Variants in FAAH2 observed in about 807,000 individuals in gnomAD.
FAAH2 encodes the protein fatty-acid amide hydrolase 2.
A neutral mutation model predicts 36.9 loss-of-function variants in FAAH2; 60 were observed. That is an observed-to-expected ratio of 1.63 (90% confidence interval 1.32 to 2.02). FAAH2 has a LOEUF of 2.02. Among genes scored for constraint, FAAH2 ranks in the 30% most tolerant of loss-of-function variants. The probability of loss-of-function intolerance (pLI) is 0.00; values close to 1 mark genes in which losing one functional copy is unlikely to be tolerated. For missense variants in FAAH2, 689 were observed against 397.5 expected (o/e 1.73, Z -6.23); for synonymous variants, 214 against 143.8 (o/e 1.49, Z -3.49).
chrX:57,142,210 G>C, the FAAH2 span, among the ~76,000 whole-genome samples: 1 of 111,443 alleles, frequency 9.0e-6, no homozygotes. Context: ...TTTATTTGAA[G>C]TTTTTATGCT....
At chrX:57,243,433 C>T in the FAAH2 span, among the ~76,000 whole-genome samples, 4 of 112,252 alleles carry the variant, frequency 3.6e-5, no homozygotes, top group Admixed American at 1.9e-4. Flanking sequence ...GGGTCCATAA[C>T]CCCCATGCCT....
chrX:57,398,539 C>T (rs1348631293), intron 7 of FAAH2, among the ~76,000 whole-genome samples: 3 of 110,266 alleles, frequency 2.7e-5, no homozygotes, highest in Non-Finnish European at 5.7e-5. Context: ...AGATGTTGTT[C>T]ATTTAACTTT....
At chrX:57,228,233 C>A in the FAAH2 span, among the ~76,000 whole-genome samples, 11 of 111,703 alleles carry the variant, frequency 9.8e-5, no homozygotes, top group African/African-American at 2.9e-4. Context: ...TTACCCCCTG[C>A]TCCTCTGGCC....
intron 10 of FAAH2, among the ~76,000 whole-genome samples, chrX:57,463,120 C>T (rs1027241168): frequency 9.0e-6 from 1 of 111,224 alleles, no homozygotes; most frequent in Non-Finnish European, 1.9e-5. Flanking sequence ...AGGATCTCCT[C>T]AAGAAGAACT....
chrX:57,254,093 C>T, the FAAH2 span, among the ~76,000 whole-genome samples: 1 of 108,892 alleles, frequency 9.2e-6, no homozygotes, highest in Non-Finnish European at 1.9e-5. Context: ...GGAGGAAGAT[C>T]TACCAAGCAA....
chrX:57,236,538 C>T, the FAAH2 span, among the ~76,000 whole-genome samples: 1 of 112,048 alleles, frequency 8.9e-6, no homozygotes, highest in East Asian at 2.8e-4. Context: ...GCCATTCTAA[C>T]AAAAGTGAGG....
intron 10 of FAAH2, among the ~76,000 whole-genome samples, chrX:57,478,963 C>A (rs1233354946): frequency 9.0e-6 from 1 of 111,539 alleles, no homozygotes; most frequent in Non-Finnish European, 1.9e-5. Flanking sequence ...ATTGACTTGG[C>A]AATGTGGGCT....
intron 3 of FAAH2, among the ~76,000 whole-genome samples, chrX:57,328,824 G>T (rs1357258166): frequency 9.0e-6 from 1 of 111,477 alleles, no homozygotes; most frequent in Non-Finnish European, 1.9e-5. Context: ...ATTTAAAGTG[G>T]CCAAGACTCA....
In FAAH2 at chrX:57,418,574, G is replaced by A. The variant is rs184514420; in HGVS notation, c.997-13344G>A. 4.6e-3 allele frequency among the ~76,000 whole-genome samples: 514 copies of A among 110,866 alleles called. 3 individuals carry two copies. Among genetic ancestry groups the A allele is most frequent in the Middle Eastern group, 0.019 (4 of 215 alleles). On this transcript the variant is annotated intron_variant, in intron 7 of 10. Coordinates refer to ENST00000374900, the MANE Select transcript of FAAH2 (RefSeq NM_174912.4). ...ATGGGCTTCACCCACTGTCTAACCA[G>A]TCCCAATGAGATGAGCCGAGTACCT...
the FAAH2 span, among the ~76,000 whole-genome samples, chrX:57,201,116 T>A: frequency 4.6e-5 from 5 of 107,901 alleles, no homozygotes; most frequent in Non-Finnish European, 7.7e-5. Flanking sequence ...GCCTGTAAGG[T>A]TTTCACTTAA....
rs1433153917 is a variant in FAAH2 at position 57,474,655 on chromosome X, GC to G, written c.1424-14101del. On this transcript the variant is annotated intron_variant, in intron 10 of 10. Coordinates refer to ENST00000374900, the MANE Select transcript of FAAH2 (RefSeq NM_174912.4). ...CCAAGTCTTTGCTATTGTAAATAAT[GC>G]TGCAATAAACATATGTGTGCATGTG... Among the ~76,000 whole-genome samples the G allele has an allele frequency of 3.6e-5, 4 of 111,837 alleles. No homozygotes were observed. The Admixed American group carries it at 3.8e-4, about 11-fold the overall frequency.
the FAAH2 span, among the ~76,000 whole-genome samples, chrX:57,198,063 A>G: frequency 9.0e-6 from 1 of 111,723 alleles, no homozygotes; most frequent in East Asian, 2.8e-4. Context: ...TAGGAAAAAT[A>G]CATGCTTGCC....
intron 5 of FAAH2, among the ~76,000 whole-genome samples, chrX:57,346,888 C>T (rs752219007): frequency 9.0e-6 from 1 of 111,372 alleles, no homozygotes; most frequent in African/African-American, 3.3e-5. Flanking sequence ...TGACAATACA[C>T]CCCCGTGTCT....
At chrX:57,402,267 G>T (rs900621886) in intron 7 of FAAH2, among the ~76,000 whole-genome samples, 1 of 111,863 alleles carries the variant, frequency 8.9e-6, no homozygotes, top group African/African-American at 3.2e-5. Context: ...TGGATGAGGG[G>T]GCAGCTTATT....
intron 7 of FAAH2, among the ~76,000 whole-genome samples, chrX:57,389,787 G>A (rs1476530344): frequency 9.0e-6 from 1 of 110,528 alleles, no homozygotes; most frequent in Non-Finnish European, 1.9e-5. Flanking sequence ...TGTTTTGAAT[G>A]GCTGTACAAA....
At chrX:57,357,205 A>G (rs112387544) in intron 5 of FAAH2, among the ~76,000 whole-genome samples, 1 of 37,142 alleles carries the variant, frequency 2.7e-5, no homozygotes, top group African/African-American at 4.1e-5. Context: ...AAAGACTTAA[A>G]TGTAAGACCT....
chrX:57,417,951 G>A (rs1115336), intron 7 of FAAH2, among the ~76,000 whole-genome samples: 58,890 of 110,566 alleles, frequency 0.53, 13,790 homozygotes, highest in Non-Finnish European at 0.73. Flanking sequence ...ATCTAGAGAC[G>A]CAGTCTGGCT....
At position 57,342,459 on chromosome X, in the gene FAAH2, C is replaced by A. The variant is rs565454964; in HGVS notation, c.742+1069C>A. 6.3e-5 allele frequency among the ~76,000 whole-genome samples: 7 copies of A among 111,235 alleles called. No homozygotes were observed. The East Asian group carries it at 1.7e-3, about 27-fold the overall frequency. Reference sequence around the variant, plus strand: ...CTGGATGATGAAATAGTCTGTAGAACAAACCCCCATGACACGTTTACCTAT... The same window carrying A: ...CTGGATGATGAAATAGTCTGTAGAAAAAACCCCCATGACACGTTTACCTAT... On this transcript the variant is annotated intron_variant, in intron 5 of 10. Transcript: ENST00000374900.
the FAAH2 span, among the ~76,000 whole-genome samples, chrX:57,126,690 A>T: frequency 1.8e-5 from 2 of 111,549 alleles, no homozygotes; most frequent in African/African-American, 6.5e-5. Context: ...TTGAATATTC[A>T]TCTCACTTTA....
Sources: allele counts gnomAD v4.1 joint callset (sites outside exome capture counted in the v4.1 genomes callset), GRCh38; gene constraint gnomAD v4.1.1; transcripts MANE v1.5; gene names NCBI Gene and HGNC (gene_info 2026-07-23, HGNC 2026-07-21).